Variants in TASOR observed in about 807,000 individuals in gnomAD.
TASOR encodes protein TASOR.
Under a neutral mutation model 178.6 loss-of-function variants are expected in TASOR, and 53 were observed. The ratio of observed to expected loss-of-function variants is 0.30; its 90% CI spans 0.24 to 0.37. The LOEUF is 0.37. Ranked by LOEUF, TASOR falls within the 10% of genes least tolerant of loss-of-function variation. The probability of loss-of-function intolerance (pLI) is 1.00; values close to 1 mark genes in which losing one functional copy is unlikely to be tolerated. For synonymous variants in TASOR, 713 were observed against 696.2 expected (o/e 1.02, Z -0.38); for missense variants, 1,815 against 1,971.4 (o/e 0.92, Z 1.50).
At chr3:56,660,857 T>C in intron 10 of TASOR, 23 bp from the exon 11 acceptor site, 2 of 1,609,580 alleles carry the variant, frequency 1.2e-6, no homozygotes, top group South Asian at 2.2e-5. Flanking sequence ...AAATACATAG[T>C]AAATATCCAA....
chr3:56,620,151 T>C lies in TASOR; in HGVS notation c.*2886A>G, dbSNP rs2076200169. ...CAGTTCTAAAATTAAGACAAGTTTATTGAGTAAAAAAATGCATACATTGGA... is the reference window on the plus strand; with the variant it reads ...CAGTTCTAAAATTAAGACAAGTTTACTGAGTAAAAAAATGCATACATTGGA... On this transcript the variant is annotated 3_prime_UTR_variant, in exon 24 of 24. Transcript: ENST00000683822. 1 of 241,354 alleles carries C rather than the reference T, an allele frequency of 4.1e-6. No individual in the cohort carries two copies. The highest frequency in any genetic ancestry group is 7.9e-6 in the Non-Finnish European group (1 of 126,194). The allele number at this position is 241,354 out of a possible 1,614,324, so 15.0% of individuals were successfully genotyped here. A position where few individuals can be genotyped will look rare whatever the true frequency, so the allele number is the denominator to read the frequency against.
rs766423875 is a variant in TASOR, at chr3:56,621,595, G to T, written c.*1442C>A. 3.2e-5 allele frequency: 51 copies of T among 1,598,610 alleles called. No individual in the cohort carries two copies. Among genetic ancestry groups the T allele is most frequent in the Non-Finnish European group, 4.2e-5 (49 of 1,173,230 alleles). The stretch of plus-strand genomic sequence containing the variant: ...CCTGCCTTTAGCTGAAAATCAAGAA[G>T]AGAGTTTTGGTTCTTCATTTTAAAT... On this transcript the variant is annotated 3_prime_UTR_variant, in exon 24 of 24. Transcript: ENST00000683822.
At chr3:56,675,800 T>C (rs951383939) in intron 1 of TASOR, among the ~76,000 whole-genome samples, 1 of 152,224 alleles carries the variant, frequency 6.6e-6, no homozygotes, top group Non-Finnish European at 1.5e-5. Flanking sequence ...AGGTAACAGA[T>C]GCAGCGAACC....
chr3:56,623,235 G>A lies in TASOR; in HGVS notation c.4815C>T (p.Ser1605=), dbSNP rs41276463. The change falls in exon 24 of 24, where the codon TCC becomes TCT. Residue 1605 remains serine, a synonymous_variant. Coordinates refer to ENST00000683822, the MANE Select transcript of TASOR (RefSeq NM_001365635.2). ...GAACATTAAAATGACTAAACTGATG[G>A]GACATATTTAATTGACTATGATAAA... ...FQVYHSQLNM[S]HQFSHFNVLT... The A allele has an allele frequency of 7.4e-6, 12 of 1,613,126 alleles. No homozygotes were observed. Among genetic ancestry groups the A allele is most frequent in the African/African-American group, 1.3e-5 (1 of 74,956 alleles).
chr3:56,663,018 A>G (rs973453938), intron 8 of TASOR, among the ~76,000 whole-genome samples: 1 of 152,064 alleles, frequency 6.6e-6, no homozygotes, highest in Non-Finnish European at 1.5e-5. Flanking sequence ...AACTCTACTA[A>G]AAATACAAAA....
Position 56,633,244 on chromosome 3 carries a change from C to A in TASOR, c.3547G>T (p.Ala1183Ser), listed in dbSNP as rs2076952778. 7 of 1,614,096 alleles carry A rather than the reference C, an allele frequency of 4.3e-6. No individual in the cohort carries two copies. Among genetic ancestry groups the A allele is most frequent in the Non-Finnish European group, 5.9e-6 (7 of 1,180,014 alleles). Residue 1183 changes from alanine to serine, a missense_variant, in exon 18 of 24, where the codon GCC (alanine) becomes TCC (serine). Physicochemically the swap from Ala to Ser is moderately conservative, Grantham distance 99 (BLOSUM62 1). Coordinates refer to ENST00000683822, the MANE Select transcript of TASOR (RefSeq NM_001365635.2). ...GTTGTTTCTTCTACTGGTTCCCGGG[C>A]CATATCACCAGGTACAATATGATCA... ...TSDHIVPGDM[A>S]REPVEETTKS... is the part of the protein sequence containing the mutation.
intron 6 of TASOR, among the ~76,000 whole-genome samples, chr3:56,667,753 CAGGGAGA>C (rs1434922458): frequency 6.6e-6 from 1 of 152,132 alleles, no homozygotes; most frequent in Non-Finnish European, 1.5e-5. Context: ...CTGGGCAAAA[CAGGGAGA>C]CCCCCATCTC....
chr3:56,638,729 T>G lies in TASOR; in HGVS notation c.2801A>C (p.Lys934Thr). 6.2e-7 allele frequency: 1 copy of G among 1,614,128 alleles called. No individual in the cohort carries two copies. The highest frequency in any genetic ancestry group is 8.5e-7 in the Non-Finnish European group (1 of 1,179,990). The change falls in exon 17 of 24, where the codon AAA becomes ACA. Residue 934 changes from lysine (K) to threonine (T), a missense_variant. This residue lies in a region of TASOR where 655 missense variants were observed against 671.1 expected (regional missense o/e 0.98). Coordinates refer to ENST00000683822, the MANE Select transcript of TASOR (RefSeq NM_001365635.2). Reference sequence around the variant, plus strand: ...ACCTGGTGTTTGTTTCTCACCATGTTTCCCCAGCTGGTCTTCTGGGCTTCT... The same window carrying G: ...ACCTGGTGTTTGTTTCTCACCATGTGTCCCCAGCTGGTCTTCTGGGCTTCT... ...NARSPEDQLG[K>T]HGEKQTPGMK...
intron 17 of TASOR, 28 bp from the exon 18 acceptor site, chr3:56,633,994 G>C (rs1451465634): frequency 2.0e-6 from 3 of 1,463,462 alleles, no homozygotes; most frequent in African/African-American, 2.9e-5. Context: ...ATTATTATAA[G>C]AGCAATCCAA....
intron 14 of TASOR, among the ~76,000 whole-genome samples, chr3:56,646,281 T>C (rs952105595): frequency 1.3e-5 from 2 of 152,140 alleles, no homozygotes; most frequent in Admixed American, 6.6e-5. Context: ...CTGGGCCAGG[T>C]AGCAAATATT....
chr3:56,650,869 T>C (rs1156574987), intron 11 of TASOR, among the ~76,000 whole-genome samples: 2 of 152,244 alleles, frequency 1.3e-5, no homozygotes, highest in African/African-American at 4.8e-5. Context: ...TTGTTTCAAA[T>C]ACTTTTATCC....
chr3:56,627,556 A>C, intron 20 of TASOR, 26 bp downstream of exon 20: 8 of 1,611,674 alleles, frequency 5.0e-6, no homozygotes, highest in Non-Finnish European at 6.8e-6. Context: ...AAGAGGAGTT[A>C]CGTGCTCAAA....
In TASOR at chr3:56,663,853, G is replaced by C. The variant is rs944183588; in HGVS notation, c.1023-281C>G. Reference sequence around the variant, plus strand: ...CCAAGAGAGAACAGTGTCCACCAAAGTCTCTTGTCAATTATTTTGCTGACA... The same window carrying C: ...CCAAGAGAGAACAGTGTCCACCAAACTCTCTTGTCAATTATTTTGCTGACA... On this transcript the variant is annotated intron_variant, in intron 7 of 23. Coordinates refer to ENST00000683822, the MANE Select transcript of TASOR (RefSeq NM_001365635.2). The C allele has an allele frequency of 1.2e-5, 12 of 993,294 alleles. No homozygotes were observed. In the South Asian group the frequency reaches 5.0e-4, roughly 42 times the overall value. 61.5% of individuals were successfully genotyped at this position (993,294 alleles called of 1,614,324 possible).
At chr3:56,680,358 T>C (rs2031679185) in intron 1 of TASOR, among the ~76,000 whole-genome samples, 1 of 152,206 alleles carries the variant, frequency 6.6e-6, no homozygotes, top group Non-Finnish European at 1.5e-5. Context: ...TTTGCCAATA[T>C]TATTACTCAA....
Position 56,663,549 on chromosome 3 carries a change from C to T in TASOR, c.1046G>A (p.Arg349Lys), listed in dbSNP as rs2077644682. The T allele has an allele frequency of 8.5e-7, 1 of 1,173,716 alleles. No individual in the cohort carries two copies. The highest frequency in any genetic ancestry group is 1.6e-5 in the African/African-American group (1 of 63,522). The allele number at this position is 1,173,716 out of a possible 1,614,324, so 72.7% of individuals were successfully genotyped here. Reference sequence around the variant, plus strand: ...AAACATAAATCTCTTACCTATGTTTCTATCTGTATTAAAGCTGTTAGATCT... The same window carrying T: ...AAACATAAATCTCTTACCTATGTTTTTATCTGTATTAAAGCTGTTAGATCT... ...SSRSNSFNTD[R>K]NIDKYNYTLW... Residue 349 changes from arginine (R) to lysine (K), a missense_variant, in exon 8 of 24, where the codon AGA (arginine) becomes AAA (lysine). Arg to Lys is a conservative substitution (Grantham distance 26, BLOSUM62 2). This residue lies in a region of TASOR where 504 missense variants were observed against 645.3 expected (regional missense o/e 0.78). Coordinates refer to ENST00000683822, the MANE Select transcript of TASOR (RefSeq NM_001365635.2).
At chr3:56,674,198 GT>G (rs1180036686) in intron 1 of TASOR, among the ~76,000 whole-genome samples, 1 of 93,984 alleles carries the variant, frequency 1.1e-5, no homozygotes, top group Non-Finnish European at 1.9e-5. Flanking sequence ...TGGTCTTTAA[GT>G]TTAAAAAAAA....
chr3:56,627,541 G>A (rs761913831), intron 20 of TASOR, 41 bp downstream of exon 20: 1 of 1,601,586 alleles, frequency 6.2e-7, no homozygotes, highest in African/African-American at 1.3e-5. Context: ...AAGTATGAGA[G>A]TCAGAAGAGG....
chr3:56,646,147 C>G (rs902887294), intron 14 of TASOR, among the ~76,000 whole-genome samples: 3 of 151,602 alleles, frequency 2.0e-5, no homozygotes, highest in Non-Finnish European at 4.4e-5. Context: ...GACTCCGTCT[C>G]AAAAAAAATA....
chr3:56,623,551 T>G lies in TASOR; in HGVS notation c.4499A>C (p.Asp1500Ala), dbSNP rs767856680. Reference protein sequence around the residue: ...LESQSALLENDEKDEEDMSLD... With the variant: ...LESQSALLENAEKDEEDMSLD... ...AGACATATCCTCTTCATCCTTTTCA[T>G]CGTTTTCTAAAAGAGCTACATTTAA... The change falls in exon 24 of 24, where the codon GAT becomes GCT. Residue 1500 changes from aspartate to alanine, a missense_variant. Coordinates refer to ENST00000683822, the MANE Select transcript of TASOR (RefSeq NM_001365635.2). 1 of 1,572,684 alleles carries G rather than the reference T, an allele frequency of 6.4e-7. No homozygotes were observed. The highest frequency in any genetic ancestry group is 2.0e-5 in the Admixed American group (1 of 49,072).
Sources: allele counts gnomAD v4.1 joint callset (sites outside exome capture counted in the v4.1 genomes callset), GRCh38; gene constraint gnomAD v4.1.1; regional missense constraint gnomAD v4.1.1; transcripts MANE v1.5; gene names NCBI Gene and HGNC (gene_info 2026-07-23, HGNC 2026-07-21).